APOBEC3B: variants seen among roughly 807,000 people sequenced by gnomAD.
APOBEC3B encodes the protein apolipoprotein B mRNA editing enzyme catalytic subunit 3B.
In APOBEC3B, 29 loss-of-function variants were observed where a neutral mutation model predicts 53.4. The observed-to-expected ratio is 0.54, with a 90% CI of 0.40 to 0.74. The LOEUF (loss-of-function observed/expected upper bound fraction) is 0.74. Among genes scored for constraint, APOBEC3B ranks in the 30% least tolerant of loss-of-function variants. The pLI, the probability that APOBEC3B is intolerant of heterozygous loss-of-function variation, is 0.00. For synonymous variants in APOBEC3B, 132 were observed against 184.8 expected (o/e 0.71, Z 2.32); for missense variants, 347 against 496.2 (o/e 0.70, Z 2.86).
Position 38,992,556 on chromosome 22 carries a change from A to G in APOBEC3B, c.*111A>G. 2.5e-6 allele frequency: 4 copies of G among 1,607,716 alleles called. No homozygotes were observed. The highest frequency in any genetic ancestry group is 3.4e-6 in the Non-Finnish European group (4 of 1,175,016). The stretch of plus-strand genomic sequence containing the variant: ...CGTTCACCACCATCTCCAGCTGCTC[A>G]CAGACACCAGCAAAGCAATGTGCTC... On this transcript the variant is annotated 3_prime_UTR_variant, in exon 8 of 8. Transcript: ENST00000333467.
rs1471897241 is a variant in APOBEC3B at position 38,992,708 on chromosome 22, AG to A, written c.*264del. 2 of 973,806 alleles carry A rather than the reference AG, an allele frequency of 2.1e-6. No individual in the cohort carries two copies. Among genetic ancestry groups the A allele is most frequent in the African/African-American group, 3.3e-5 (2 of 60,380 alleles). The allele number at this position is 973,806 out of a possible 1,614,324, so 60.3% of individuals were successfully genotyped here. A position where few individuals can be genotyped will look rare whatever the true frequency, so the allele number is the denominator to read the frequency against. ...AGAATAGTTTTCAATGTATTAATGA[AG>A]TGATTAATTGGCTCCATATTTAGAC... is the stretch of plus-strand genomic sequence containing the variant. On this transcript the variant is annotated 3_prime_UTR_variant, in exon 8 of 8. Transcript: ENST00000333467.
chr22:38,988,719 T>TTCTCTCTTTCTC (rs1555894393), intron 4 of APOBEC3B, among the ~76,000 whole-genome samples: 1 of 113,868 alleles, frequency 8.8e-6, no homozygotes, highest in Non-Finnish European at 1.8e-5. Flanking sequence ...CTTTCTTTCT[T>TTCTCTCTTTCTC]TCTTTCTTTC....
rs142896028 is a variant in APOBEC3B, at chr22:38,989,571, G to C, written c.684G>C (p.Trp228Cys). The change falls in exon 5 of 8, where the codon TGG (tryptophan) becomes TGC (cysteine). Residue 228 changes from tryptophan to cysteine, a missense_variant. Trp to Cys is a radical substitution (Grantham distance 215). Around this residue, in one of 5 missense-constraint regions of APOBEC3B, gnomAD observed 156 missense variants for 166.7 expected, o/e 0.94. Transcript: ENST00000333467. ...YEVERLDNGT[W>C]VLMDQHMGFL... ...TGGAGCGCCTGGACAATGGCACCTG[G>C]GTCCTGATGGACCAGCACATGGGCT... The C allele has an allele frequency of 6.3e-6, 10 of 1,587,232 alleles. 2 individuals are homozygous for C. The African/African-American group carries it at 1.3e-4, about 21-fold the overall frequency.
intron 6 of APOBEC3B, 30 bp from the exon 7 acceptor site, chr22:38,992,004 G>A (rs1305456515): frequency 6.5e-7 from 1 of 1,544,632 alleles, no homozygotes. Flanking sequence ...CACAACAGGA[G>A]CGTGACTTAT....
Position 38,984,145 on chromosome 22 carries a change from C to A in APOBEC3B, c.88C>A (p.Arg30=). ...TGAAAACGAACCCATCCTCTATGGT[C>A]GGAGCTACACTTGGCTGTGCTATGA... ...NFENEPILYG[R]SYTWLCYEVK... The change falls in exon 2 of 8, where the codon CGG becomes AGG. Residue 30 remains arginine, a synonymous_variant. Coordinates refer to ENST00000333467, the MANE Select transcript of APOBEC3B (RefSeq NM_004900.5). The A allele has an allele frequency of 1.3e-6, 2 of 1,591,770 alleles. No individual in the cohort carries two copies. Among genetic ancestry groups the A allele is most frequent in the Non-Finnish European group, 1.7e-6 (2 of 1,171,852 alleles).
rs775543100 is a variant in APOBEC3B at position 38,989,636 on chromosome 22, A to G, written c.723+26A>G. On this transcript the variant is annotated intron_variant, in intron 5 of 7. Coordinates refer to ENST00000333467, the MANE Select transcript of APOBEC3B (RefSeq NM_004900.5). Reference sequence around the variant, plus strand: ...GTGACCGACCCAGCCACCTGCATCCAGGCAGGGCCCTCCCAATCCAGGGAC... The same window carrying G: ...GTGACCGACCCAGCCACCTGCATCCGGGCAGGGCCCTCCCAATCCAGGGAC... 4 of 1,543,406 alleles carry G rather than the reference A, an allele frequency of 2.6e-6. 1 individual carries two copies. The Admixed American group carries it at 5.6e-5, about 22-fold the overall frequency.
In APOBEC3B at chr22:38,982,379, C is replaced by A. The variant is rs1292907843; in HGVS notation, c.-75C>A. The A allele has an allele frequency of 6.4e-6, 10 of 1,573,264 alleles. 2 individuals carry two copies. The highest frequency in any genetic ancestry group is 8.7e-6 in the Non-Finnish European group (10 of 1,155,602). On this transcript the variant is annotated 5_prime_UTR_variant, in exon 1 of 8. It adds an upstream start codon to the 5' untranslated region. Coordinates refer to ENST00000333467, the MANE Select transcript of APOBEC3B (RefSeq NM_004900.5). ...GGAGGGCTGTCCAACTGCAAGGACGCTGTAAGCAGGAAGTGAAACCACAGA... is the reference window on the plus strand; with the variant it reads ...GGAGGGCTGTCCAACTGCAAGGACGATGTAAGCAGGAAGTGAAACCACAGA...
chr22:38,983,436 C>A (rs1258476087), intron 1 of APOBEC3B, among the ~76,000 whole-genome samples: 1 of 149,004 alleles, frequency 6.7e-6, no homozygotes, highest in Non-Finnish European at 1.5e-5. Context: ...CAGTCCCCAA[C>A]AGCTTTCTCC....
rs755801321 is a variant in APOBEC3B at position 38,989,623 on chromosome 22, G to A, written c.723+13G>A. 1.9e-6 allele frequency: 3 copies of A among 1,555,322 alleles called. No individual in the cohort carries two copies. In the South Asian group the frequency reaches 3.5e-5, roughly 18 times the overall value. On this transcript the variant is annotated intron_variant, in intron 5 of 7. Transcript: ENST00000333467. ...TCTATGCAACGAGGTGACCGACCCA[G>A]CCACCTGCATCCAGGCAGGGCCCTC...
chr22:38,984,845 T>G (rs918508623), intron 2 of APOBEC3B, among the ~76,000 whole-genome samples: 1 of 147,186 alleles, frequency 6.8e-6, no homozygotes, highest in African/African-American at 2.5e-5. Context: ...TGCCCAGCAC[T>G]GGGCTCTCAA....
chr22:38,991,460 C>T lies in APOBEC3B; in HGVS notation c.852C>T (p.Cys284=), dbSNP rs1305914592. 8 of 1,592,498 alleles carry T rather than the reference C, an allele frequency of 5.0e-6. No homozygotes were observed. The highest frequency in any genetic ancestry group is 6.8e-6 in the Non-Finnish European group (8 of 1,171,702). ...RVTWFISWSP[C]FSWGCAGEVR... The stretch of plus-strand genomic sequence containing the variant: ...CTTGGTTCATCTCCTGGAGCCCCTG[C>T]TTCTCCTGGGGCTGTGCCGGGGAAG... Residue 284 remains cysteine, a synonymous_variant, in exon 6 of 8, where the codon TGC becomes TGT. Coordinates refer to ENST00000333467, the MANE Select transcript of APOBEC3B (RefSeq NM_004900.5).
At chr22:38,988,683 C>CTTTCTT (rs779025117) in intron 4 of APOBEC3B, among the ~76,000 whole-genome samples, 8 of 47,526 alleles carry the variant, frequency 1.7e-4, no homozygotes, top group African/African-American at 3.6e-4. Context: ...TTCTCTCTTT[C>CTTTCTT]TCTTTCTTTC....
intron 2 of APOBEC3B, 124 bp downstream of exon 2, chr22:38,984,355 A>G: frequency 3.2e-6 from 4 of 1,240,096 alleles, no homozygotes; most frequent in Non-Finnish European, 4.3e-6. Context: ...CACATCCAAA[A>G]AGGCTGAGCC....
At chr22:38,989,726 C>T (rs1923915806) in intron 5 of APOBEC3B, 116 bp downstream of exon 5, 3 of 1,062,898 alleles carry the variant, frequency 2.8e-6, no homozygotes, top group Non-Finnish European at 2.5e-6. Flanking sequence ...CTTGTGCTTC[C>T]TGCAGCTGCT....
Position 38,991,501 on chromosome 22 carries a change from A to G in APOBEC3B, c.893A>G (p.Gln298Arg), listed in dbSNP as rs757613037. Reference sequence around the variant, plus strand: ...GCCGGGGAAGTGCGTGCGTTCCTTCAGGAGAACACACACGTGAGACTGCGC... The same window carrying G: ...GCCGGGGAAGTGCGTGCGTTCCTTCGGGAGAACACACACGTGAGACTGCGC... ...GCAGEVRAFL[Q>R]ENTHVRLRIF... Residue 298 changes from glutamine (Q) to arginine (R), a missense_variant, in exon 6 of 8, where the codon CAG becomes CGG. Around this residue, in one of 5 missense-constraint regions of APOBEC3B, gnomAD observed 20 missense variants for 83.9 expected, o/e 0.24. Transcript: ENST00000333467. 23 of 1,593,774 alleles carry G rather than the reference A, an allele frequency of 1.4e-5. No homozygotes were observed. In the East Asian group the frequency reaches 5.2e-4, roughly 36 times the overall value.
At chr22:38,986,822 CA>C (rs1923760245) in intron 4 of APOBEC3B, among the ~76,000 whole-genome samples, 1 of 148,712 alleles carries the variant, frequency 6.7e-6, no homozygotes, top group Admixed American at 6.9e-5. Context: ...ATCTGAGGGC[CA>C]CCCCCACCCG....
chr22:38,988,730 T>TTTCTTTC (rs1923863514), intron 4 of APOBEC3B, among the ~76,000 whole-genome samples: 1 of 137,026 alleles, frequency 7.3e-6, no homozygotes, highest in Non-Finnish European at 1.5e-5. Context: ...TCTTTCTTTC[T>TTTCTTTC]TTCTTTCTTT....
Position 38,992,674 on chromosome 22 carries a change from A to T in APOBEC3B, c.*229A>T, listed in dbSNP as rs1481809810. 8.1e-7 allele frequency: 1 copy of T among 1,239,138 alleles called. No individual in the cohort carries two copies. The highest frequency in any genetic ancestry group is 1.1e-6 in the Non-Finnish European group (1 of 905,366). The allele number at this position is 1,239,138 out of a possible 1,614,324, so 76.8% of individuals were successfully genotyped here. A position where few individuals can be genotyped will look rare whatever the true frequency, so the allele number is the denominator to read the frequency against. On this transcript the variant is annotated 3_prime_UTR_variant, in exon 8 of 8. Coordinates refer to ENST00000333467, the MANE Select transcript of APOBEC3B (RefSeq NM_004900.5). ...AGTGTACAAGAGTAAGATTATGCTCAATATTCCCAGAATAGTTTTCAATGT... is the reference window on the plus strand; with the variant it reads ...AGTGTACAAGAGTAAGATTATGCTCTATATTCCCAGAATAGTTTTCAATGT...
In APOBEC3B at chr22:38,985,998, G is replaced by A. The variant is rs769828037; in HGVS notation, c.361G>A (p.Ala121Thr). 3.6e-5 allele frequency: 57 copies of A among 1,592,480 alleles called. 4 individuals are homozygous for A. Among genetic ancestry groups the A allele is most frequent in the African/African-American group, 9.5e-5 (7 of 73,976 alleles). The change falls in exon 3 of 8, where the codon GCC becomes ACC. Residue 121 changes from alanine to threonine, a missense_variant. Transcript: ENST00000333467. Reference protein sequence around the residue: ...HPNVTLTISAARLYYYWERDY... With the variant: ...HPNVTLTISATRLYYYWERDY... ...CAATGTCACCCTGACCATCTCTGCC[G>A]CCCGCCTCTACTACTACTGGGAAAG... is the stretch of plus-strand genomic sequence containing the variant.
Sources: allele counts gnomAD v4.1 joint callset (sites outside exome capture counted in the v4.1 genomes callset), GRCh38; gene constraint gnomAD v4.1.1; regional missense constraint gnomAD v4.1.1; transcripts MANE v1.5; gene names NCBI Gene and HGNC (gene_info 2026-07-23, HGNC 2026-07-21).